SNX6: variants seen among roughly 807,000 people sequenced by gnomAD.
The protein encoded by SNX6 is sorting nexin-6.
A neutral mutation model predicts 63.0 loss-of-function variants in SNX6; 34 were observed. The observed-to-expected ratio is 0.54, with a 90% CI of 0.41 to 0.72. The LOEUF (loss-of-function observed/expected upper bound fraction) is 0.72. Among genes scored for constraint, SNX6 ranks in the 30% least tolerant of loss-of-function variants. SNX6 has a pLI of 0.00. For missense variants in SNX6, 398 were observed against 471.4 expected (o/e 0.84, Z 1.44); for synonymous variants, 170 against 164.2 (o/e 1.04, Z -0.27).
At chr14:34,600,966 C>T (rs1192879223) in intron 6 of SNX6, among the ~76,000 whole-genome samples, 2 of 150,738 alleles carry the variant, frequency 1.3e-5, no homozygotes, top group East Asian at 1.9e-4. Flanking sequence ...TGTACTGAGT[C>T]GATACAGTGC....
intron 9 of SNX6, among the ~76,000 whole-genome samples, chr14:34,585,755 G>A (rs1000998946): frequency 6.6e-6 from 1 of 151,640 alleles, no homozygotes; most frequent in African/African-American, 2.4e-5. Context: ...ACACACCACC[G>A]ACACCTGGGT....
chr14:34,608,246 C>T (rs953177071), intron 3 of SNX6, 106 bp from the exon 4 acceptor site: 28 of 565,298 alleles, frequency 5.0e-5, no homozygotes, highest in Admixed American at 2.1e-4. Context: ...CGAACAATCT[C>T]GGCTCACTGC....
At position 34,599,667 on chromosome 14, in the gene SNX6, G is replaced by A. The variant is rs774205333; in HGVS notation, c.517-2022C>T. On this transcript the variant is annotated intron_variant, in intron 6 of 13. Transcript: ENST00000362031. ...AATGTGCCTGTAATCCCAGCTACTC[G>A]GGAGGCTGAGGCTGGAGAATCGCTT... Among the ~76,000 whole-genome samples, 5 of 151,282 alleles carry A rather than the reference G, an allele frequency of 3.3e-5. No individual in the cohort carries two copies. The South Asian group carries it at 6.3e-4, about 19-fold the overall frequency.
intron 8 of SNX6, among the ~76,000 whole-genome samples, chr14:34,590,425 C>T (rs1358057392): frequency 4.2e-5 from 6 of 142,538 alleles, no homozygotes; most frequent in South Asian, 2.2e-4. Context: ...AGCAAGACTT[C>T]GTCTCAAAAA....
At position 34,575,707 on chromosome 14, in the gene SNX6, A is replaced by G. The variant is rs981792772; in HGVS notation, c.921+49T>C. ...AACAATCTGAAGTCTAACAAACTCAAGAAATGGCTGTTTGTAAAATGGCTC... is the reference window on the plus strand; with the variant it reads ...AACAATCTGAAGTCTAACAAACTCAGGAAATGGCTGTTTGTAAAATGGCTC... On this transcript the variant is annotated intron_variant, in intron 11 of 13. Transcript: ENST00000362031. 3 of 1,005,196 alleles carry G rather than the reference A, an allele frequency of 3.0e-6. No homozygotes were observed. The African/African-American group carries it at 4.9e-5, about 16-fold the overall frequency. The allele number at this position is 1,005,196 out of a possible 1,614,324, so 62.3% of individuals were successfully genotyped here.
rs754107911 is a variant in SNX6, at chr14:34,610,875, T to C, written c.55-1133A>G. Among the ~76,000 whole-genome samples, 173 of 152,288 alleles carry C rather than the reference T, an allele frequency of 1.1e-3. 2 individuals are homozygous for C. Among genetic ancestry groups the C allele is most frequent in the Non-Finnish European group, 1.5e-3 (100 of 68,024 alleles). ...GTTGTAAAACCTAGGACTTAGAGAA[T>C]CTCACCTGGTCATTAGTATCTCAAA... On this transcript the variant is annotated intron_variant, in intron 2 of 13. Coordinates refer to ENST00000362031, the MANE Select transcript of SNX6 (RefSeq NM_152233.4).
In SNX6 at chr14:34,575,750, A is replaced by G. The variant is rs773355001; in HGVS notation, c.921+6T>C. 1 of 1,536,156 alleles carries G rather than the reference A, an allele frequency of 6.5e-7. No homozygotes were observed. Among genetic ancestry groups the G allele is most frequent in the East Asian group, 2.3e-5 (1 of 43,512 alleles). ...AATGGCTCATTTAAAAAAAGATTAA[A>G]ATTACCTTAGCAGCTTGAGATTCTC... On this transcript the variant is annotated splice_donor_region_variant and intron_variant, in intron 11 of 13. Transcript: ENST00000362031.
chr14:34,563,228 G>A, intron 13 of SNX6, 53 bp from the exon 14 acceptor site: 1 of 1,500,720 alleles, frequency 6.7e-7, no homozygotes, highest in Non-Finnish European at 9.2e-7. Context: ...CAATTCAGAA[G>A]ACTCCTACTG....
intron 8 of SNX6, among the ~76,000 whole-genome samples, chr14:34,591,524 G>C (rs927920633): frequency 5.9e-5 from 9 of 151,840 alleles, no homozygotes; most frequent in Non-Finnish European, 7.4e-5. Context: ...CCTGGCAATG[G>C]CAGTGGCAGA....
intron 6 of SNX6, among the ~76,000 whole-genome samples, chr14:34,602,681 A>C (rs1261150140): frequency 6.6e-6 from 1 of 152,054 alleles, no homozygotes; most frequent in Non-Finnish European, 1.5e-5. Context: ...TGACTCTTTA[A>C]AAAGAGAACT....
At chr14:34,615,152 T>C (rs542056772) in intron 2 of SNX6, among the ~76,000 whole-genome samples, 1 of 152,254 alleles carries the variant, frequency 6.6e-6, no homozygotes, top group South Asian at 2.1e-4. Context: ...CAACACTTGG[T>C]TTCTTAAATG....
intron 6 of SNX6, among the ~76,000 whole-genome samples, chr14:34,600,950 A>G (rs1477052256): frequency 6.6e-6 from 1 of 151,918 alleles, no homozygotes; most frequent in Non-Finnish European, 1.5e-5. Context: ...CCTGGGAAGC[A>G]GAGGTTGTAC....
intron 2 of SNX6, among the ~76,000 whole-genome samples, chr14:34,617,476 C>CA (rs1261938143): frequency 1.3e-5 from 2 of 151,668 alleles, no homozygotes; most frequent in Non-Finnish European, 2.9e-5. Context: ...CGTGTCTCCA[C>CA]AAAAAATTTA....
intron 13 of SNX6, among the ~76,000 whole-genome samples, chr14:34,567,044 GA>G (rs1269501116): frequency 6.6e-6 from 1 of 151,722 alleles, no homozygotes; most frequent in Non-Finnish European, 1.5e-5. Flanking sequence ...CTAACATGGT[GA>G]AAACCCTGTC....
intron 13 of SNX6, among the ~76,000 whole-genome samples, chr14:34,565,232 C>T (rs1352903604): frequency 6.6e-6 from 1 of 151,534 alleles, no homozygotes; most frequent in African/African-American, 2.4e-5. Context: ...CGCCCGCCAC[C>T]ACGCCCGGCT....
At chr14:34,599,191 T>A (rs1882710258) in intron 6 of SNX6, among the ~76,000 whole-genome samples, 1 of 152,184 alleles carries the variant, frequency 6.6e-6, no homozygotes, top group South Asian at 2.1e-4. Flanking sequence ...CAGACTAGAA[T>A]ACTACCCATA....
At chr14:34,582,620 A>T (rs192166917) in intron 9 of SNX6, among the ~76,000 whole-genome samples, 1 of 152,024 alleles carries the variant, frequency 6.6e-6, no homozygotes, top group East Asian at 1.9e-4. Context: ...GCGCCATCTC[A>T]CTGCAACCTC....
intron 2 of SNX6, among the ~76,000 whole-genome samples, chr14:34,617,589 CAGAG>C (rs1883464339): frequency 8.6e-6 from 1 of 116,720 alleles, no homozygotes; most frequent in Non-Finnish European, 1.7e-5. Context: ...GCCTGGGTGA[CAGAG>C]TGAGACCCTG....
rs1214360269 is a variant in SNX6, at chr14:34,578,634, G to GAA, written c.835-2794_835-2793dup. Among the ~76,000 whole-genome samples, 557 of 97,034 alleles carry GAA rather than the reference G, an allele frequency of 5.7e-3. 18 individuals carry two copies. Among genetic ancestry groups the GAA allele is most frequent in the African/African-American group, 0.012 (324 of 27,070 alleles). The allele number at this position is 97,034 out of a possible 152,430, so 63.7% of individuals were successfully genotyped here. On this transcript the variant is annotated intron_variant, in intron 10 of 13. Coordinates refer to ENST00000362031, the MANE Select transcript of SNX6 (RefSeq NM_152233.4). ...GACAGAGTGAGATCTGTCTCAAAAA[G>GAA]AAAAAAAAAAAAAAAAAGTTAAGGG...
Sources: gnomAD v4.1 joint callset for allele counts (sites outside exome capture counted in the v4.1 genomes callset) on GRCh38, gnomAD v4.1.1 for gene constraint, MANE v1.5 for transcripts, NCBI Gene and HGNC (gene_info 2026-07-23, HGNC 2026-07-21) for gene names.